Variants in UBTD2 observed in about 807,000 individuals in gnomAD.
UBTD2 encodes ubiquitin domain-containing protein 2.
UBTD2 carries 9 observed loss-of-function variants against 19.8 expected under a neutral mutation model. That is an observed-to-expected ratio of 0.46 (90% CI 0.27 to 0.79). The LOEUF is 0.79. UBTD2 is among the 30% of genes least tolerant of loss of function. UBTD2 has a pLI of 0.14. For missense variants in UBTD2, 250 were observed against 300.4 expected (o/e 0.83, Z 1.24); for synonymous variants, 98 against 103.9 (o/e 0.94, Z 0.35).
intron 1 of UBTD2, among the ~76,000 whole-genome samples, chr5:172,278,485 T>C (rs1021972570): frequency 3.3e-5 from 5 of 150,598 alleles, no homozygotes; most frequent in African/African-American, 4.9e-5. Flanking sequence ...CACCATTGCA[T>C]TCCAGCCTAG....
At chr5:172,268,974 C>A (rs1238204843) in intron 1 of UBTD2, among the ~76,000 whole-genome samples, 3 of 151,848 alleles carry the variant, frequency 2.0e-5, no homozygotes, top group Non-Finnish European at 4.4e-5. Flanking sequence ...ACTGTGGTTA[C>A]GTAGGAGAAC....
chr5:172,239,616 T>G (rs1332148724), intron 1 of UBTD2, among the ~76,000 whole-genome samples: 1 of 151,976 alleles, frequency 6.6e-6, no homozygotes, highest in Non-Finnish European at 1.5e-5. Flanking sequence ...AGACAAGGTT[T>G]TGCCATGTTG....
chr5:172,226,064 A>T (rs12656941), intron 2 of UBTD2, among the ~76,000 whole-genome samples: 2 of 151,494 alleles, frequency 1.3e-5, no homozygotes, highest in East Asian at 3.9e-4. Flanking sequence ...TAGCCTCCCA[A>T]AGTAGCTGGG....
chr5:172,221,550 A>G (rs532652175), intron 2 of UBTD2, among the ~76,000 whole-genome samples: 1 of 152,334 alleles, frequency 6.6e-6, no homozygotes, highest in African/African-American at 2.4e-5. Flanking sequence ...ATGAAAACAC[A>G]TGGCGAAAAC....
Position 172,283,666 on chromosome 5 carries a change from G to A in UBTD2, c.-1C>T. The A allele has an allele frequency of 8.1e-7, 1 of 1,237,668 alleles. No individual in the cohort carries two copies. The highest frequency in any genetic ancestry group is 1.0e-6 in the Non-Finnish European group (1 of 986,928). The allele number at this position is 1,237,668 out of a possible 1,614,324, so 76.7% of individuals were successfully genotyped here. On this transcript the variant is annotated 5_prime_UTR_variant, in exon 1 of 3. Coordinates refer to ENST00000393792, the MANE Select transcript of UBTD2 (RefSeq NM_152277.3). This position sits in a 1 kb window ranked among gnomAD's most constrained non-coding sequence, Gnocchi z 4.3. ...GCTGGGCGCCCACACACCCGCCCAT[G>A]GGGGCCCCCGGCGCCTCGTCCGCCA...
intron 1 of UBTD2, among the ~76,000 whole-genome samples, chr5:172,250,580 A>G (rs1754980955): frequency 6.6e-6 from 1 of 152,214 alleles, no homozygotes; most frequent in Non-Finnish European, 1.5e-5. Context: ...CTAAGGGGAT[A>G]TAACTAAACA....
Position 172,228,486 on chromosome 5 carries a change from C to T in UBTD2, c.307+5636G>A, listed in dbSNP as rs915421393. 6.6e-5 allele frequency among the ~76,000 whole-genome samples: 10 copies of T among 152,056 alleles called. 1 individual carries two copies. Among genetic ancestry groups the T allele is most frequent in the Non-Finnish European group, 7.4e-5 (5 of 68,008 alleles). On this transcript the variant is annotated intron_variant, in intron 2 of 2. Coordinates refer to ENST00000393792, the MANE Select transcript of UBTD2 (RefSeq NM_152277.3). ...TTGTAATCCCAGCACTTTGGGAGGCCGAGGCGGGTGGATTACTTGAGGTCA... is the reference window on the plus strand; with the variant it reads ...TTGTAATCCCAGCACTTTGGGAGGCTGAGGCGGGTGGATTACTTGAGGTCA...
chr5:172,250,059 C>G (rs907638977), intron 1 of UBTD2, among the ~76,000 whole-genome samples: 1 of 151,992 alleles, frequency 6.6e-6, no homozygotes, highest in Non-Finnish European at 1.5e-5. Flanking sequence ...CTCGTCTCTA[C>G]TAAAAATACA....
intron 2 of UBTD2, among the ~76,000 whole-genome samples, chr5:172,224,472 G>A (rs542233402): frequency 3.3e-5 from 5 of 152,074 alleles, no homozygotes; most frequent in Non-Finnish European, 7.4e-5. Flanking sequence ...TGTACTTTTA[G>A]TAGAGATGGG....
intron 1 of UBTD2, among the ~76,000 whole-genome samples, chr5:172,282,167 G>A (rs566251639): frequency 3.9e-5 from 6 of 152,322 alleles, no homozygotes; most frequent in African/African-American, 1.4e-4. Flanking sequence ...AATCATTAAT[G>A]ATCAACACAA....
chr5:172,283,549 G>A lies in UBTD2; in HGVS notation c.70+47C>T. On this transcript the variant is annotated intron_variant, in intron 1 of 2. Transcript: ENST00000393792. This position sits in a 1 kb window ranked among gnomAD's most constrained non-coding sequence, Gnocchi z 4.3. ...GGGGTCGGGACAGGTGGCCGGGCCT[G>A]GCCGGGAACAATGGGGGGCCGAGGC... 7.9e-7 allele frequency: 1 copy of A among 1,270,222 alleles called. No individual in the cohort carries two copies. Among genetic ancestry groups the A allele is most frequent in the Middle Eastern group, 2.6e-4 (1 of 3,910 alleles). 78.7% of individuals were successfully genotyped at this position (1,270,222 alleles called of 1,614,324 possible). A position where few individuals can be genotyped will look rare whatever the true frequency, so the allele number is the denominator to read the frequency against.
chr5:172,229,439 TGCAGTGA>T (rs1771845069), intron 2 of UBTD2, among the ~76,000 whole-genome samples: 1 of 144,122 alleles, frequency 6.9e-6, no homozygotes, highest in African/African-American at 2.6e-5. Flanking sequence ...AGGTGGAGCT[TGCAGTGA>T]GCCGAGATTG....
intron 1 of UBTD2, among the ~76,000 whole-genome samples, chr5:172,270,350 A>AT (rs758440849): frequency 0.11 from 10,507 of 98,524 alleles, 975 homozygotes; most frequent in African/African-American, 0.24. Context: ...GAATTTTAGA[A>AT]TTTTTTTTTT....
intron 2 of UBTD2, among the ~76,000 whole-genome samples, chr5:172,220,105 T>C (rs982627436): frequency 1.3e-5 from 2 of 152,152 alleles, no homozygotes. Context: ...TGAATCAAAT[T>C]CAACACTGTA....
At chr5:172,247,947 A>G (rs996540954) in intron 1 of UBTD2, among the ~76,000 whole-genome samples, 2 of 152,218 alleles carry the variant, frequency 1.3e-5, no homozygotes, top group Non-Finnish European at 2.9e-5. Context: ...AAGTCTCAAT[A>G]AACTTTAAAA....
intron 2 of UBTD2, among the ~76,000 whole-genome samples, chr5:172,216,153 C>T (rs969856907): frequency 6.6e-5 from 10 of 151,628 alleles, no homozygotes; most frequent in Admixed American, 4.6e-4. Context: ...GCAACAAGAG[C>T]GAGACTGTCT....
Position 172,259,646 on chromosome 5 carries a change from G to A in UBTD2, c.70+23950C>T, listed in dbSNP as rs536287527. On this transcript the variant is annotated intron_variant, in intron 1 of 2. Coordinates refer to ENST00000393792, the MANE Select transcript of UBTD2 (RefSeq NM_152277.3). Reference sequence around the variant, plus strand: ...GTGTGGGGGTGGGGAGGAAATTAAAGCTTTACTTTTTCTGTTACCTAGAAG... The same window carrying A: ...GTGTGGGGGTGGGGAGGAAATTAAAACTTTACTTTTTCTGTTACCTAGAAG... Among the ~76,000 whole-genome samples, 19 of 152,128 alleles carry A rather than the reference G, an allele frequency of 1.2e-4. No homozygotes were observed. The East Asian group carries it at 3.7e-3, about 29-fold the overall frequency.
intron 1 of UBTD2, among the ~76,000 whole-genome samples, chr5:172,241,413 TAAAA>T (rs1175413571): frequency 8.5e-6 from 1 of 118,282 alleles, no homozygotes. Context: ...CTGTCTCAAT[TAAAA>T]AAAAAAAAAA....
chr5:172,243,623 C>T (rs1278509713), intron 1 of UBTD2, among the ~76,000 whole-genome samples: 1 of 134,790 alleles, frequency 7.4e-6, no homozygotes, highest in Non-Finnish European at 1.5e-5. Flanking sequence ...AGTACAATGG[C>T]GCGACCTCAG....
Sources: gnomAD v4.1 joint callset for allele counts (sites outside exome capture counted in the v4.1 genomes callset) on GRCh38, gnomAD v4.1.1 for gene constraint, Gnocchi (gnomAD v3.1) non-coding constraint, MANE v1.5 for transcripts, NCBI Gene and HGNC (gene_info 2026-07-23, HGNC 2026-07-21) for gene names.